TSGA10: variants seen among roughly 807,000 people sequenced by gnomAD.
The protein encoded by TSGA10 is testis-specific gene 10 protein.
A neutral mutation model predicts 96.6 loss-of-function variants in TSGA10; 43 were observed. The observed-to-expected ratio is 0.44, with a 90% CI of 0.35 to 0.57. The LOEUF is 0.57. Among genes scored for constraint, TSGA10 ranks in the 20% least tolerant of loss-of-function variants. The pLI is 0.01. For synonymous variants in TSGA10, 229 were observed against 269.9 expected (o/e 0.85, Z 1.48); for missense variants, 703 against 834.4 (o/e 0.84, Z 1.94).
chr2:99,030,576 A>G (rs1294068274), intron 17 of TSGA10, among the ~76,000 whole-genome samples: 1 of 150,762 alleles, frequency 6.6e-6, no homozygotes, highest in African/African-American at 2.4e-5. Context: ...ACTTGAGCCC[A>G]GGGGTTCAAG....
At chr2:99,132,367 C>A (rs1440067164) in intron 1 of TSGA10, among the ~76,000 whole-genome samples, 1 of 151,696 alleles carries the variant, frequency 6.6e-6, no homozygotes, top group Non-Finnish European at 1.5e-5. Context: ...GGTATATACC[C>A]TTCCAGGAAT....
chr2:99,102,092 AAAGTT>A, intron 10 of TSGA10: 1 of 1,473,998 alleles, frequency 6.8e-7, no homozygotes, highest in Non-Finnish European at 9.5e-7. Context: ...AGCAGAAAGA[AAAGTT>A]AATAAAGCGA....
chr2:99,150,219 TGAAA>T (rs934680454), intron 1 of TSGA10, among the ~76,000 whole-genome samples: 6 of 152,226 alleles, frequency 3.9e-5, no homozygotes, highest in African/African-American at 1.4e-4. Flanking sequence ...CTAGCAAGAA[TGAAA>T]GAAAGGACTA....
intron 15 of TSGA10, among the ~76,000 whole-genome samples, chr2:99,065,648 T>G (rs925218962): frequency 3.3e-5 from 5 of 152,230 alleles, no homozygotes; most frequent in African/African-American, 1.2e-4. Flanking sequence ...GCCTTAATTA[T>G]CTTGATCATG....
intron 10 of TSGA10, among the ~76,000 whole-genome samples, chr2:99,087,562 C>T (rs958917646): frequency 3.3e-5 from 5 of 152,030 alleles, no homozygotes; most frequent in Non-Finnish European, 7.4e-5. Flanking sequence ...GTAGCGCATA[C>T]CTTTACTCCC....
chr2:99,108,251 TTAGAG>T (rs2091517755), intron 7 of TSGA10, among the ~76,000 whole-genome samples: 1 of 152,112 alleles, frequency 6.6e-6, no homozygotes, highest in Non-Finnish European at 1.5e-5. Flanking sequence ...TTTCTATCCC[TTAGAG>T]TAGTGAGCCT....
At position 99,078,791 on chromosome 2, in the gene TSGA10, A is replaced by G. The variant is rs114700999; in HGVS notation, c.750T>C (p.Ile250=). 0.011 allele frequency: 18,263 copies of G among 1,612,864 alleles called. 141 individuals carry two copies. Among genetic ancestry groups the G allele is most frequent in the Non-Finnish European group, 0.014 (16,568 of 1,179,690 alleles). ...GAATGCTGATTTCTTCTCGCTGTGC[A>G]ATATTTTGCCTTGTAAAGTTATCTA... ...EKIDNFTRQN[I]AQREEISILG... is the part of the protein sequence containing the mutation. The change falls in exon 12 of 21, where the codon ATT becomes ATC. Residue 250 remains isoleucine (I), a synonymous_variant. Transcript: ENST00000393483.
chr2:99,058,543 CCTT>C (rs897035084), intron 16 of TSGA10, among the ~76,000 whole-genome samples: 21 of 152,042 alleles, frequency 1.4e-4, no homozygotes, highest in African/African-American at 4.6e-4. Context: ...AATTAATACT[CCTT>C]CTTTGGAAAG....
rs1465145726 is a variant in TSGA10, at chr2:99,009,334, T to G, written c.2072+8866A>C. Among the ~76,000 whole-genome samples the G allele has an allele frequency of 2.0e-5, 3 of 152,202 alleles. No homozygotes were observed. The East Asian group carries it at 5.8e-4, about 29-fold the overall frequency. On this transcript the variant is annotated intron_variant, in intron 20 of 20. Transcript: ENST00000393483. ...AGAAGGAAGAACTGCAAACAGATTC[T>G]GAGCTTTTAAAAAGTTGGCCTGTTC...
At chr2:99,051,807 T>C (rs181830175) in intron 16 of TSGA10, among the ~76,000 whole-genome samples, 20 of 150,086 alleles carry the variant, frequency 1.3e-4, no homozygotes, top group Middle Eastern at 6.8e-3. Context: ...TAAAATTAAA[T>C]TAGAAATGAA....
intron 16 of TSGA10, among the ~76,000 whole-genome samples, chr2:99,049,747 A>G (rs1558846371): frequency 6.6e-6 from 1 of 152,100 alleles, no homozygotes; most frequent in Admixed American, 6.6e-5. Flanking sequence ...AAAGAAAAAA[A>G]AAAAGAAAAA....
At chr2:99,005,365 G>A (rs2078368092) in intron 20 of TSGA10, among the ~76,000 whole-genome samples, 2 of 152,204 alleles carry the variant, frequency 1.3e-5, no homozygotes, top group African/African-American at 4.8e-5. Context: ...CCTGTTTGCA[G>A]AAGACATGAT....
In TSGA10 at chr2:99,024,099, C is replaced by CTT. The variant is rs59387881; in HGVS notation, c.1615-3619_1615-3618dup. Among the ~76,000 whole-genome samples the CTT allele has an allele frequency of 1.0e-3, 153 of 147,714 alleles. 1 individual carries two copies. Among genetic ancestry groups the CTT allele is most frequent in the East Asian group, 8.2e-3 (41 of 4,996 alleles). ...AGTTTTGTAAAGTACAAGTATTTGT[C>CTT]TTTTTTTTTTTAGACAGAGTCTTGC... On this transcript the variant is annotated intron_variant, in intron 17 of 20. Transcript: ENST00000393483.
At position 99,100,213 on chromosome 2, in the gene TSGA10, A is replaced by G. The variant is rs529440346; in HGVS notation, c.611+3754T>C. On this transcript the variant is annotated intron_variant, in intron 10 of 20. Transcript: ENST00000393483. ...AAATTTATATGAAAATTGAAAATGC[A>G]AAGGGCCGGCAATAGTCAAGACTTT... Among the ~76,000 whole-genome samples, 8 of 152,336 alleles carry G rather than the reference A, an allele frequency of 5.3e-5. No homozygotes were observed. In the East Asian group the frequency reaches 1.5e-3, roughly 29 times the overall value.
intron 20 of TSGA10, among the ~76,000 whole-genome samples, chr2:99,004,266 A>C (rs2078260024): frequency 6.6e-6 from 1 of 152,196 alleles, no homozygotes; most frequent in South Asian, 2.1e-4. Context: ...TGAATCTCTG[A>C]ATAGACCAAT....
At chr2:99,044,002 G>A (rs1231650627) in intron 16 of TSGA10, among the ~76,000 whole-genome samples, 1 of 152,082 alleles carries the variant, frequency 6.6e-6, no homozygotes, top group Non-Finnish European at 1.5e-5. Context: ...TTACCACCAG[G>A]CCTGCCTTAC....
chr2:99,085,609 T>TAA (rs200309936), intron 10 of TSGA10, among the ~76,000 whole-genome samples: 694 of 52,432 alleles, frequency 0.013, 41 homozygotes, highest in African/African-American at 0.067. Context: ...ATCCTGTCTT[T>TAA]AAAAAAAAAA....
At chr2:99,076,104 AC>A (rs1208936746) in intron 12 of TSGA10, among the ~76,000 whole-genome samples, 1 of 152,134 alleles carries the variant, frequency 6.6e-6, no homozygotes, top group Non-Finnish European at 1.5e-5. Flanking sequence ...TCAATATTTC[AC>A]CTACATAACC....
intron 1 of TSGA10, chr2:99,151,572 T>C (rs1040707037): frequency 6.6e-6 from 1 of 152,212 alleles, no homozygotes; most frequent in Non-Finnish European, 1.5e-5. Context: ...GATTCTGCTT[T>C]ATGATACTTT....
Sources: allele counts gnomAD v4.1 joint callset (sites outside exome capture counted in the v4.1 genomes callset), GRCh38; gene constraint gnomAD v4.1.1; transcripts MANE v1.5; gene names NCBI Gene and HGNC (gene_info 2026-07-23, HGNC 2026-07-21).